The following CCSER2 variants were observed in gnomAD, a reference collection of about 807,000 sequenced individuals.
The protein encoded by CCSER2 is coiled-coil serine rich protein 2.
A neutral mutation model predicts 92.3 loss-of-function variants in CCSER2; 46 were observed. That is an observed-to-expected ratio of 0.50 (90% CI 0.39 to 0.64). The LOEUF (loss-of-function observed/expected upper bound fraction) is 0.64. Ranked by LOEUF, CCSER2 falls within the 30% of genes least tolerant of loss-of-function variation. The probability of loss-of-function intolerance (pLI) is 0.00; values close to 1 mark genes in which losing one functional copy is unlikely to be tolerated. For missense variants in CCSER2, 1,244 were observed against 1,238.9 expected, an observed-to-expected ratio of 1.00 and a Z score of -0.06; for synonymous variants, 433 against 431.4, an observed-to-expected ratio of 1.00 and a Z score of -0.04.
chr10:84,374,715 G>T (rs566382519), intron 3 of CCSER2, among the ~76,000 whole-genome samples: 10 of 152,310 alleles, frequency 6.6e-5, no homozygotes, highest in African/African-American at 2.2e-4. Context: ...AAGTAATGTG[G>T]ATAATATGCC....
chr10:84,468,655 G>C (rs1445422398), intron 7 of CCSER2, among the ~76,000 whole-genome samples: 1 of 152,176 alleles, frequency 6.6e-6, no homozygotes, highest in African/African-American at 2.4e-5. Flanking sequence ...CTGCATGAAT[G>C]ATGGCTATAT....
Position 84,431,423 on chromosome 10 carries a change from T to A in CCSER2, c.1868+5530T>A, listed in dbSNP as rs1843756119. Among the ~76,000 whole-genome samples, 3 of 151,158 alleles carry A rather than the reference T, an allele frequency of 2.0e-5. No homozygotes were observed. The South Asian group carries it at 6.3e-4, about 32-fold the overall frequency. On this transcript the variant is annotated intron_variant, in intron 5 of 9. Coordinates refer to ENST00000372088, the MANE Select transcript of CCSER2 (RefSeq NM_001284240.2). The stretch of plus-strand genomic sequence containing the variant: ...CCAAAATACATGTAAGGTTCCTCTA[T>A]ATATTTTTGTGGCATCTCATTTAAA...
At chr10:84,406,805 G>A (rs543625061) in intron 3 of CCSER2, among the ~76,000 whole-genome samples, 10 of 152,270 alleles carry the variant, frequency 6.6e-5, no homozygotes, top group South Asian at 2.1e-4. Context: ...ACCAATTTCC[G>A]CACTGCGTGG....
chr10:84,481,172 G>A (rs1847435210), intron 9 of CCSER2, among the ~76,000 whole-genome samples: 1 of 152,042 alleles, frequency 6.6e-6, no homozygotes, highest in Non-Finnish European at 1.5e-5. Flanking sequence ...AAATACAAGG[G>A]CAGGAGGGTT....
intron 6 of CCSER2, among the ~76,000 whole-genome samples, chr10:84,451,778 G>A (rs926293092): frequency 4.6e-5 from 7 of 152,154 alleles, no homozygotes; most frequent in African/African-American, 1.2e-4. Context: ...CAGTTAACTT[G>A]GATGCCAGAT....
At chr10:84,509,989 A>C (rs1249833995) in intron 9 of CCSER2, among the ~76,000 whole-genome samples, 1 of 152,082 alleles carries the variant, frequency 6.6e-6, no homozygotes, top group Non-Finnish European at 1.5e-5. Flanking sequence ...TACATTCCTC[A>C]CTGGTTCCAC....
intron 6 of CCSER2, among the ~76,000 whole-genome samples, chr10:84,458,806 C>A (rs1224956476): frequency 1.3e-5 from 2 of 151,816 alleles, no homozygotes; most frequent in Admixed American, 6.6e-5. Flanking sequence ...ATTTAATATA[C>A]AGAGTCTGTG....
intron 6 of CCSER2, among the ~76,000 whole-genome samples, chr10:84,456,541 G>A (rs779958890): frequency 1.3e-5 from 2 of 152,126 alleles, no homozygotes; most frequent in African/African-American, 2.4e-5. Context: ...AAACTGCTGT[G>A]AACATTTGTT....
chr10:84,350,627 C>T (rs1266422667), intron 1 of CCSER2, among the ~76,000 whole-genome samples: 2 of 152,200 alleles, frequency 1.3e-5, no homozygotes, highest in Non-Finnish European at 2.9e-5. Flanking sequence ...AATGCTTTCA[C>T]AGATGGACAG....
intron 1 of CCSER2, among the ~76,000 whole-genome samples, chr10:84,352,946 C>A (rs901832154): frequency 1.3e-5 from 2 of 152,134 alleles, no homozygotes; most frequent in African/African-American, 4.8e-5. Context: ...ATGTGCCCCC[C>A]AGACCTGGCT....
Position 84,514,285 on chromosome 10 carries a change from G to A in CCSER2, c.*18G>A. ...TACATTAAGTACATAGCCATCACCT[G>A]CCAATTTGTTTCTTAAAAACAATCT... On this transcript the variant is annotated 3_prime_UTR_variant, in exon 10 of 10. Transcript: ENST00000372088. 6.7e-7 allele frequency: 1 copy of A among 1,489,340 alleles called. No individual in the cohort carries two copies. Among genetic ancestry groups the A allele is most frequent in the Non-Finnish European group, 9.0e-7 (1 of 1,110,870 alleles). The allele number at this position is 1,489,340 out of a possible 1,614,324, so 92.3% of individuals were successfully genotyped here. A position where few individuals can be genotyped will look rare whatever the true frequency, so the allele number is the denominator to read the frequency against.
At chr10:84,419,867 A>G (rs1843053416) in intron 4 of CCSER2, among the ~76,000 whole-genome samples, 1 of 152,234 alleles carries the variant, frequency 6.6e-6, no homozygotes, top group Non-Finnish European at 1.5e-5. Context: ...AGAAAGCATC[A>G]CTGCTATTGA....
chr10:84,359,100 A>G (rs1484620135), intron 1 of CCSER2, among the ~76,000 whole-genome samples: 1 of 152,022 alleles, frequency 6.6e-6, no homozygotes, highest in Non-Finnish European at 1.5e-5. Flanking sequence ...GGAATATCTA[A>G]TTTTCAGGAC....
rs189591239 is a variant in CCSER2 at position 84,446,384 on chromosome 10, C to T, written c.2064+7677C>T. ...GTTGAGAATAAAACCAATAATTTTT[C>T]CCTCACATAATTCTCCGATTCACTG... On this transcript the variant is annotated intron_variant, in intron 6 of 9. Coordinates refer to ENST00000372088, the MANE Select transcript of CCSER2 (RefSeq NM_001284240.2). 5.2e-3 allele frequency among the ~76,000 whole-genome samples: 785 copies of T among 152,174 alleles called. 2 individuals carry two copies. Among genetic ancestry groups the T allele is most frequent in the Non-Finnish European group, 6.8e-3 (464 of 68,008 alleles).
intron 3 of CCSER2, among the ~76,000 whole-genome samples, chr10:84,388,216 G>T (rs546166125): frequency 6.6e-6 from 1 of 152,044 alleles, no homozygotes; most frequent in South Asian, 2.1e-4. Flanking sequence ...AGGTTTTATC[G>T]TACATCCTGC....
intron 4 of CCSER2, among the ~76,000 whole-genome samples, chr10:84,418,678 C>T (rs1007374228): frequency 6.6e-6 from 1 of 152,128 alleles, no homozygotes; most frequent in African/African-American, 2.4e-5. Flanking sequence ...GGTGTCTGTT[C>T]CAGTGCTTCA....
chr10:84,358,942 G>A (rs903627845), intron 1 of CCSER2, among the ~76,000 whole-genome samples: 1 of 152,104 alleles, frequency 6.6e-6, no homozygotes, highest in African/African-American at 2.4e-5. Flanking sequence ...AGAAGCTTAT[G>A]AGTTGAAAGT....
chr10:84,483,287 G>A (rs1297251302), intron 9 of CCSER2, among the ~76,000 whole-genome samples: 1 of 151,944 alleles, frequency 6.6e-6, no homozygotes, highest in African/African-American at 2.4e-5. Context: ...GAGCTACTCG[G>A]GAGGCTGAGG....
rs1163951520 is a variant in CCSER2, at chr10:84,373,800, T to A, written c.1599T>A (p.Ser533=). 2.5e-6 allele frequency: 4 copies of A among 1,613,614 alleles called. No individual in the cohort carries two copies. In the Admixed American group the frequency reaches 6.7e-5, roughly 27 times the overall value. The change falls in exon 3 of 10, where the codon TCT becomes TCA. Residue 533 remains serine, a synonymous_variant. Transcript: ENST00000372088. ...NVHPVGSYES[S]EMNSIDILNN... The stretch of plus-strand genomic sequence containing the variant: ...ATCCAGTTGGGAGCTATGAGTCCTC[T>A]GAAATGAACAGCATAGTATGTATGG...
Sources: allele counts gnomAD v4.1 joint callset (sites outside exome capture counted in the v4.1 genomes callset), GRCh38; gene constraint gnomAD v4.1.1; transcripts MANE v1.5; gene names NCBI Gene and HGNC (gene_info 2026-07-23, HGNC 2026-07-21).